Variants in SEMA3A observed in about 807,000 individuals in gnomAD.
SEMA3A encodes semaphorin-3A.
A neutral mutation model predicts 97.9 loss-of-function variants in SEMA3A; 29 were observed. The observed-to-expected ratio is 0.30, with a 90% CI of 0.22 to 0.40. The LOEUF (loss-of-function observed/expected upper bound fraction) is 0.40. Among genes scored for constraint, SEMA3A ranks in the 10% least tolerant of loss-of-function variants. The pLI, the probability that SEMA3A is intolerant of heterozygous loss-of-function variation, is 1.00. For missense variants in SEMA3A, 763 were observed against 951.3 expected, an observed-to-expected ratio of 0.80 and a Z score of 2.60; for synonymous variants, 321 against 323.7, an observed-to-expected ratio of 0.99 and a Z score of 0.09.
chr7:83,995,171 C>G (rs6964605), intron 12 of SEMA3A, among the ~76,000 whole-genome samples: 1 of 152,118 alleles, frequency 6.6e-6, no homozygotes, highest in Admixed American at 6.5e-5. Context: ...CACCCTGCTT[C>G]GGCTCGCGCA....
chr7:84,473,335 G>A (rs1171687080), intron 1 of SEMA3A, among the ~76,000 whole-genome samples: 1 of 149,808 alleles, frequency 6.7e-6, no homozygotes, highest in Non-Finnish European at 1.5e-5. Flanking sequence ...ATATTAAAAT[G>A]TCATCTATAG....
chr7:83,969,383 C>A (rs971723923), intron 15 of SEMA3A, among the ~76,000 whole-genome samples: 2 of 152,118 alleles, frequency 1.3e-5, no homozygotes, highest in African/African-American at 2.4e-5. Flanking sequence ...TAGTTATCTC[C>A]TTAGAGTATG....
At chr7:84,326,090 C>T (rs1416136053) in intron 2 of SEMA3A, among the ~76,000 whole-genome samples, 1 of 152,086 alleles carries the variant, frequency 6.6e-6, no homozygotes, top group Non-Finnish European at 1.5e-5. Context: ...TGCTCTTCTT[C>T]TTTCTGGCTA....
At chr7:84,360,374 T>G (rs1298166402) in intron 2 of SEMA3A, among the ~76,000 whole-genome samples, 2 of 152,144 alleles carry the variant, frequency 1.3e-5, no homozygotes, top group Non-Finnish European at 2.9e-5. Flanking sequence ...AAGAACATCT[T>G]TATTTCGGCC....
At chr7:84,362,666 A>G (rs1802755785) in intron 2 of SEMA3A, among the ~76,000 whole-genome samples, 1 of 152,012 alleles carries the variant, frequency 6.6e-6, no homozygotes, top group Non-Finnish European at 1.5e-5. Context: ...TAGAATAACT[A>G]TTGTTAACTA....
intron 3 of SEMA3A, among the ~76,000 whole-genome samples, chr7:84,255,444 C>T (rs931939218): frequency 3.3e-5 from 5 of 152,124 alleles, no homozygotes; most frequent in African/African-American, 1.2e-4. Flanking sequence ...ACCTTGACCC[C>T]TTCACAAAGA....
intron 1 of SEMA3A, among the ~76,000 whole-genome samples, chr7:84,436,338 A>C (rs1805129269): frequency 6.6e-6 from 1 of 152,164 alleles, no homozygotes; most frequent in South Asian, 2.1e-4. Context: ...AGTGGTACCT[A>C]ATTAAACTAA....
At chr7:84,025,782 C>T (rs1791523427) in intron 6 of SEMA3A, among the ~76,000 whole-genome samples, 2 of 152,110 alleles carry the variant, frequency 1.3e-5, no homozygotes, top group Non-Finnish European at 2.9e-5. Flanking sequence ...ATCTAATCCA[C>T]ACATACCCCA....
intron 2 of SEMA3A, among the ~76,000 whole-genome samples, chr7:84,356,827 T>A (rs945602101): frequency 6.6e-6 from 1 of 151,662 alleles, no homozygotes; most frequent in Non-Finnish European, 1.5e-5. Context: ...CAGAAAAAAA[T>A]TACAACATTA....
Position 83,961,301 on chromosome 7 carries a change from T to C in SEMA3A, c.*70A>G, listed in dbSNP as rs1299377367. 1.3e-5 allele frequency: 16 copies of C among 1,247,010 alleles called. No individual in the cohort carries two copies. Among genetic ancestry groups the C allele is most frequent in the Non-Finnish European group, 1.8e-5 (15 of 853,560 alleles). The allele number at this position is 1,247,010 out of a possible 1,614,324, so 77.2% of individuals were successfully genotyped here. A position where few individuals can be genotyped will look rare whatever the true frequency, so the allele number is the denominator to read the frequency against. On this transcript the variant is annotated 3_prime_UTR_variant, in exon 17 of 17. Transcript: ENST00000265362. ...ATGCCATGAAAAAAGTTCATGTATA[T>C]TGCATTTGTTTTTCCAGTTATTGTC... is the stretch of plus-strand genomic sequence containing the variant.
chr7:84,340,123 T>C (rs1170718985), intron 2 of SEMA3A, among the ~76,000 whole-genome samples: 1 of 152,066 alleles, frequency 6.6e-6, no homozygotes, highest in Non-Finnish European at 1.5e-5. Flanking sequence ...TTAACTCCTA[T>C]AAAGAAAAAG....
intron 1 of SEMA3A, among the ~76,000 whole-genome samples, chr7:84,135,832 T>C (rs1338951352): frequency 6.6e-6 from 1 of 152,204 alleles, no homozygotes; most frequent in Non-Finnish European, 1.5e-5. Flanking sequence ...GAGGCTTTCA[T>C]GAAAACATGA....
chr7:83,994,801 C>T (rs2099913691), intron 12 of SEMA3A, among the ~76,000 whole-genome samples: 1 of 152,048 alleles, frequency 6.6e-6, no homozygotes, highest in African/African-American at 2.4e-5. Context: ...GAGGTGGAGC[C>T]TACAGAGGCA....
chr7:84,379,280 T>C (rs190019223), intron 1 of SEMA3A, among the ~76,000 whole-genome samples: 1 of 152,158 alleles, frequency 6.6e-6, no homozygotes, highest in Admixed American at 6.5e-5. Context: ...GAGGAAGCCT[T>C]AAGTTTTTTC....
At chr7:84,367,759 C>A (rs138138454) in intron 2 of SEMA3A, among the ~76,000 whole-genome samples, 1 of 150,588 alleles carries the variant, frequency 6.6e-6, no homozygotes, top group African/African-American at 2.4e-5. Flanking sequence ...GAGGCAGATC[C>A]GGTTGAAGAT....
At chr7:84,127,696 A>C (rs1795841590) in intron 3 of SEMA3A, among the ~76,000 whole-genome samples, 1 of 152,176 alleles carries the variant, frequency 6.6e-6, no homozygotes, top group African/African-American at 2.4e-5. Flanking sequence ...CATTGCTGCT[A>C]GATTGAGTCA....
intron 4 of SEMA3A, among the ~76,000 whole-genome samples, chr7:84,085,069 G>T (rs928839697): frequency 8.2e-5 from 11 of 134,694 alleles, no homozygotes; most frequent in East Asian, 4.4e-4. Context: ...AATGGTAAGA[G>T]AATTTTTTTT....
chr7:84,192,037 C>T (rs1455914252), intron 1 of SEMA3A, among the ~76,000 whole-genome samples: 3 of 151,916 alleles, frequency 2.0e-5, no homozygotes, highest in Non-Finnish European at 4.4e-5. Flanking sequence ...TTGCCAGAAA[C>T]TTCATCTTGG....
At chr7:83,996,454 C>T (rs553488185) in intron 12 of SEMA3A, among the ~76,000 whole-genome samples, 12 of 152,032 alleles carry the variant, frequency 7.9e-5, no homozygotes, top group African/African-American at 2.9e-4. Context: ...AGGCATGTGC[C>T]ACCACGCCAG....
Sources: gnomAD v4.1 joint callset for allele counts (sites outside exome capture counted in the v4.1 genomes callset) on GRCh38, gnomAD v4.1.1 for gene constraint, MANE v1.5 for transcripts, NCBI Gene and HGNC (gene_info 2026-07-23, HGNC 2026-07-21) for gene names.